KIF13A: variants seen among roughly 807,000 people sequenced by gnomAD.
KIF13A encodes kinesin-like protein KIF13A.
Under a neutral mutation model 212.2 loss-of-function variants are expected in KIF13A, and 79 were observed. The ratio of observed to expected loss-of-function variants is 0.37; its 90% CI spans 0.31 to 0.45. The LOEUF (loss-of-function observed/expected upper bound fraction) is 0.45. Among genes scored for constraint, KIF13A ranks in the 20% least tolerant of loss-of-function variants. KIF13A has a pLI of 1.00. For missense variants in KIF13A, 1,901 were observed against 2,209.0 expected, an observed-to-expected ratio of 0.86 and a Z score of 2.79; for synonymous variants, 789 against 808.6, an observed-to-expected ratio of 0.98 and a Z score of 0.41.
chr6:17,982,539 T>C lies in KIF13A; in HGVS notation c.146+4515A>G. ...TCACACGATTTGCAAGGTGTATTGT[T>C]CATCCTGCCATATGGAAAAAATGAA... On this transcript the variant is annotated intron_variant, in intron 2 of 38. Coordinates refer to ENST00000259711, the MANE Select transcript of KIF13A (RefSeq NM_022113.6). The surrounding 1 kb of genome is among the most constrained non-coding windows in gnomAD (Gnocchi z 5.1). 4 of 533,342 alleles carry C rather than the reference T, an allele frequency of 7.5e-6. No homozygotes were observed. Among genetic ancestry groups the C allele is most frequent in the Non-Finnish European group, 9.6e-6 (4 of 417,514 alleles). The allele number at this position is 533,342 out of a possible 1,614,324, so 33.0% of individuals were successfully genotyped here. A position where few individuals can be genotyped will look rare whatever the true frequency, so the allele number is the denominator to read the frequency against.
intron 2 of KIF13A, among the ~76,000 whole-genome samples, chr6:17,903,762 TAAATG>T (rs929069608): frequency 1.2e-4 from 18 of 152,142 alleles, no homozygotes; most frequent in African/African-American, 3.9e-4. Flanking sequence ...CAAAAGTACT[TAAATG>T]AAAATATTCT....
chr6:17,798,040 A>G (rs898225041), intron 22 of KIF13A, among the ~76,000 whole-genome samples: 1 of 152,240 alleles, frequency 6.6e-6, no homozygotes, highest in African/African-American at 2.4e-5. Context: ...GTGGAATCTC[A>G]GGTGAAGACA....
chr6:17,846,048 T>TG (rs1767012381), intron 9 of KIF13A, among the ~76,000 whole-genome samples: 1 of 136,194 alleles, frequency 7.3e-6, no homozygotes, highest in African/African-American at 3.2e-5. Context: ...AACCTTTTTT[T>TG]TTTTTTTTTT....
chr6:17,977,779 T>C (rs756292302), intron 2 of KIF13A, among the ~76,000 whole-genome samples: 1 of 152,276 alleles, frequency 6.6e-6, no homozygotes, highest in African/African-American at 2.4e-5. Context: ...TGTATACATG[T>C]GCCATGTTGG....
chr6:17,986,915 C>A (rs1258973877), intron 2 of KIF13A, 139 bp downstream of exon 2: 3 of 601,016 alleles, frequency 5.0e-6, no homozygotes, highest in Non-Finnish European at 9.0e-6. Flanking sequence ...GGACTTGCAA[C>A]AGCTTCAAAC....
chr6:17,840,161 C>T (rs528048471), intron 9 of KIF13A, among the ~76,000 whole-genome samples: 8 of 152,050 alleles, frequency 5.3e-5, no homozygotes, highest in Middle Eastern at 3.4e-3. Flanking sequence ...GTAGTGATGG[C>T]GGTACAACTC....
chr6:17,826,266 A>G lies in KIF13A; in HGVS notation c.1533-142T>C, dbSNP rs980449772. The G allele has an allele frequency of 1.7e-5, 11 of 646,310 alleles. No homozygotes were observed. The highest frequency in any genetic ancestry group is 1.1e-4 in the African/African-American group (6 of 54,704). The allele number at this position is 646,310 out of a possible 1,614,324, so 40.0% of individuals were successfully genotyped here. ...TTAAAGAAGGAAGAGCAGAATGTGT[A>G]ACCACTATGAAAACACACAATCTAA... On this transcript the variant is annotated intron_variant, in intron 14 of 38. Coordinates refer to ENST00000259711, the MANE Select transcript of KIF13A (RefSeq NM_022113.6). The surrounding 1 kb of genome is among the most constrained non-coding windows in gnomAD (Gnocchi z 4.7).
intron 22 of KIF13A, among the ~76,000 whole-genome samples, chr6:17,798,986 T>C (rs1027266570): frequency 9.2e-5 from 14 of 152,170 alleles, no homozygotes; most frequent in Non-Finnish European, 1.0e-4. Flanking sequence ...ATGACACACA[T>C]ATAAAAGATG....
At chr6:17,791,970 G>A (rs1581935963) in intron 25 of KIF13A, among the ~76,000 whole-genome samples, 1 of 150,268 alleles carries the variant, frequency 6.7e-6, no homozygotes, top group African/African-American at 2.4e-5. Context: ...TTGGGAGGTC[G>A]AGGTGGGTGG....
chr6:17,793,379 G>A (rs1761758982), intron 25 of KIF13A, among the ~76,000 whole-genome samples: 1 of 152,012 alleles, frequency 6.6e-6, no homozygotes, highest in Admixed American at 6.6e-5. Flanking sequence ...ACCGCGCCTG[G>A]CCAAGTTCCT....
chr6:17,777,541 C>T lies in KIF13A; in HGVS notation c.4093-187G>A, dbSNP rs778502789. Among the ~76,000 whole-genome samples, 9 of 151,948 alleles carry T rather than the reference C, an allele frequency of 5.9e-5. No homozygotes were observed. The highest frequency in any genetic ancestry group is 3.9e-4 in the East Asian group (2 of 5,182). ...GACTACAGGTGCACGCCACCACACT[C>T]GGCTAATTTTTTTTTGTATTTTAGT... On this transcript the variant is annotated intron_variant, in intron 33 of 38. Transcript: ENST00000259711. The surrounding 1 kb of genome is among the most constrained non-coding windows in gnomAD (Gnocchi z 4.4).
Position 17,843,363 on chromosome 6 carries a change from C to T in KIF13A, c.831-5780G>A, listed in dbSNP as rs1766707557. Among the ~76,000 whole-genome samples, 2 of 152,318 alleles carry T rather than the reference C, an allele frequency of 1.3e-5. No homozygotes were observed. The highest frequency in any genetic ancestry group is 4.1e-4 in the South Asian group (2 of 4,826). On this transcript the variant is annotated intron_variant, in intron 9 of 38. Coordinates refer to ENST00000259711, the MANE Select transcript of KIF13A (RefSeq NM_022113.6). This position sits in a 1 kb window ranked among gnomAD's most constrained non-coding sequence, Gnocchi z 5.3. ...GCTAAAAACTCTATTTTCCAAAGTC[C>T]TCTCTGCAGCTTCGGGTAGCCATTA...
intron 3 of KIF13A, among the ~76,000 whole-genome samples, chr6:17,885,577 T>A (rs1030887781): frequency 3.9e-5 from 6 of 152,230 alleles, no homozygotes; most frequent in African/African-American, 1.4e-4. Flanking sequence ...AAAACAACTA[T>A]CCTTGGAAAA....
chr6:17,777,245 A>T lies in KIF13A; in HGVS notation c.4170+32T>A. The T allele has an allele frequency of 6.4e-7, 1 of 1,562,526 alleles. No homozygotes were observed. Among genetic ancestry groups the T allele is most frequent in the Non-Finnish European group, 8.8e-7 (1 of 1,139,064 alleles). ...CACCCCAGAGGCTGCGACATGTCAC[A>T]TAGGAGCAGATCCTTGGCAGGATGC... On this transcript the variant is annotated intron_variant, in intron 34 of 38. Transcript: ENST00000259711. The surrounding 1 kb of genome is among the most constrained non-coding windows in gnomAD (Gnocchi z 4.4).
chr6:17,789,653 T>C lies in KIF13A; in HGVS notation c.3261+219A>G, dbSNP rs1475140804. ...AATAAGCCAGTAAATCGAGATGGCA[T>C]AGCAAAAAGGCAATATTTAGTTATA... On this transcript the variant is annotated intron_variant, in intron 26 of 38. Transcript: ENST00000259711. The surrounding 1 kb of genome is among the most constrained non-coding windows in gnomAD (Gnocchi z 4.8). Among the ~76,000 whole-genome samples, 7 of 152,302 alleles carry C rather than the reference T, an allele frequency of 4.6e-5. No homozygotes were observed. The East Asian group carries it at 9.6e-4, about 21-fold the overall frequency.
rs757417589 is a variant in KIF13A at position 17,900,616 on chromosome 6, A to G, written c.147-2436T>C. Among the ~76,000 whole-genome samples the G allele has an allele frequency of 3.9e-5, 6 of 152,246 alleles. No homozygotes were observed. Among genetic ancestry groups the G allele is most frequent in the Non-Finnish European group, 8.8e-5 (6 of 68,050 alleles). On this transcript the variant is annotated intron_variant, in intron 2 of 38. Transcript: ENST00000259711. This position sits in a 1 kb window ranked among gnomAD's most constrained non-coding sequence, Gnocchi z 4.6. Reference sequence around the variant, plus strand: ...TCATTTTAGAACAAGGACCCTTGCTACAGAAGGAAAAGTAAACCCTGTAGT... The same window carrying G: ...TCATTTTAGAACAAGGACCCTTGCTGCAGAAGGAAAAGTAAACCCTGTAGT...
At chr6:17,979,898 G>A (rs1170263936) in intron 2 of KIF13A, among the ~76,000 whole-genome samples, 1 of 151,806 alleles carries the variant, frequency 6.6e-6, no homozygotes, top group African/African-American at 2.4e-5. Flanking sequence ...TCAAAAGGTA[G>A]GACAAAAAGA....
intron 2 of KIF13A, among the ~76,000 whole-genome samples, chr6:17,986,424 A>C (rs1309450768): frequency 3.9e-5 from 6 of 152,214 alleles, no homozygotes; most frequent in Non-Finnish European, 8.8e-5. Flanking sequence ...CCCTTTTTAA[A>C]CATCCCTCAG....
intron 3 of KIF13A, among the ~76,000 whole-genome samples, chr6:17,884,205 C>T (rs2150456908): frequency 6.6e-6 from 1 of 152,316 alleles, no homozygotes; most frequent in East Asian, 1.9e-4. Flanking sequence ...ACTCATCTAC[C>T]TAAGTAACTG....
Sources: gnomAD v4.1 joint callset for allele counts (sites outside exome capture counted in the v4.1 genomes callset) on GRCh38, gnomAD v4.1.1 for gene constraint, Gnocchi (gnomAD v3.1) non-coding constraint, MANE v1.5 for transcripts, NCBI Gene and HGNC (gene_info 2026-07-23, HGNC 2026-07-21) for gene names.